The following HS6ST3 variants were observed in gnomAD, a reference collection of about 807,000 sequenced individuals.
The protein encoded by HS6ST3 is heparan-sulfate 6-O-sulfotransferase 3.
A neutral mutation model predicts 36.7 loss-of-function variants in HS6ST3; 12 were observed. The observed-to-expected ratio is 0.33, with a 90% CI of 0.21 to 0.53. The LOEUF is 0.53. HS6ST3 is among the 20% of genes least tolerant of loss of function. The pLI is 0.95. For synonymous variants in HS6ST3, 240 were observed against 257.5 expected (o/e 0.93, Z 0.65); for missense variants, 584 against 640.9 (o/e 0.91, Z 0.96).
chr13:96,112,842 TG>T (rs1594680516), intron 1 of HS6ST3, among the ~76,000 whole-genome samples: 1 of 151,674 alleles, frequency 6.6e-6, no homozygotes, highest in East Asian at 1.9e-4. Flanking sequence ...AGAGGACTGG[TG>T]GAGGGTATCT....
chr13:96,705,925 G>A (rs1875410940), intron 1 of HS6ST3, among the ~76,000 whole-genome samples: 1 of 152,126 alleles, frequency 6.6e-6, no homozygotes, highest in Non-Finnish European at 1.5e-5. Flanking sequence ...AGGTAACAGG[G>A]ACAAACAACT....
At chr13:96,328,552 GC>G (rs1263618126) in intron 1 of HS6ST3, among the ~76,000 whole-genome samples, 1 of 151,958 alleles carries the variant, frequency 6.6e-6, no homozygotes, top group East Asian at 1.9e-4. Context: ...TGGTGGATGA[GC>G]TTTTTGATGT....
chr13:96,370,097 AAAACAAAAACAAAAGAGAAT>A (rs2055282303), intron 1 of HS6ST3, among the ~76,000 whole-genome samples: 2 of 152,124 alleles, frequency 1.3e-5, no homozygotes, highest in Admixed American at 6.5e-5. Flanking sequence ...GGCAATGATA[AAAACAAAAACAAAAGAGAAT>A]AAACAAACCC....
At chr13:96,098,606 G>A (rs1053677626) in intron 1 of HS6ST3, among the ~76,000 whole-genome samples, 1 of 152,102 alleles carries the variant, frequency 6.6e-6, no homozygotes, top group Non-Finnish European at 1.5e-5. Flanking sequence ...TGGGTCTCTT[G>A]AGCCCAGGAG....
At chr13:96,715,036 T>C (rs1875658805) in intron 1 of HS6ST3, among the ~76,000 whole-genome samples, 1 of 152,114 alleles carries the variant, frequency 6.6e-6, no homozygotes. Flanking sequence ...TTTATAATAG[T>C]GAAGATTTGC....
chr13:96,607,349 G>C (rs2056442722), intron 1 of HS6ST3, among the ~76,000 whole-genome samples: 1 of 152,132 alleles, frequency 6.6e-6, no homozygotes, highest in African/African-American at 2.4e-5. Flanking sequence ...TTTATTTCCA[G>C]AAAATACAGC....
chr13:96,189,111 G>T (rs565550387), intron 1 of HS6ST3, among the ~76,000 whole-genome samples: 192 of 151,886 alleles, frequency 1.3e-3, no homozygotes, highest in Non-Finnish European at 2.5e-3. Context: ...TTCATGACTT[G>T]ATTAAATCTA....
At chr13:96,730,228 A>G (rs1187857947) in intron 1 of HS6ST3, among the ~76,000 whole-genome samples, 3 of 152,138 alleles carry the variant, frequency 2.0e-5, no homozygotes, top group South Asian at 2.1e-4. Flanking sequence ...ATTTATTCCC[A>G]TGGCTCCCTT....
chr13:96,332,380 C>G (rs1040418835), intron 1 of HS6ST3, among the ~76,000 whole-genome samples: 1 of 152,114 alleles, frequency 6.6e-6, no homozygotes, highest in South Asian at 2.1e-4. Context: ...TGCTTACTAA[C>G]GGTAACCTTT....
intron 1 of HS6ST3, among the ~76,000 whole-genome samples, chr13:96,459,629 A>G (rs1193072076): frequency 6.6e-6 from 1 of 152,158 alleles, no homozygotes; most frequent in Non-Finnish European, 1.5e-5. Context: ...ATTCATTTGG[A>G]TAAAAATGTG....
chr13:96,511,021 G>A (rs1369259166), intron 1 of HS6ST3, among the ~76,000 whole-genome samples: 1 of 152,138 alleles, frequency 6.6e-6, no homozygotes, highest in African/African-American at 2.4e-5. Flanking sequence ...TCCAAAATGG[G>A]ATGCTTTGGA....
intron 1 of HS6ST3, among the ~76,000 whole-genome samples, chr13:96,677,783 G>A (rs1252733949): frequency 6.6e-6 from 1 of 152,032 alleles, no homozygotes; most frequent in Non-Finnish European, 1.5e-5. Context: ...TCTAGAATTT[G>A]CATCATCCTA....
chr13:96,748,419 C>T (rs978583213), intron 1 of HS6ST3, among the ~76,000 whole-genome samples: 3 of 152,030 alleles, frequency 2.0e-5, no homozygotes, highest in African/African-American at 7.2e-5. Context: ...AGGAAGACCA[C>T]AAGCCAGGAG....
intron 1 of HS6ST3, among the ~76,000 whole-genome samples, chr13:96,212,911 AT>A: frequency 6.6e-6 from 1 of 152,190 alleles, no homozygotes; most frequent in Non-Finnish European, 1.5e-5. Flanking sequence ...TTGAAAATAT[AT>A]TTTCTCTCTC....
intron 1 of HS6ST3, among the ~76,000 whole-genome samples, chr13:96,095,566 G>A (rs918585887): frequency 6.6e-6 from 1 of 152,174 alleles, no homozygotes; most frequent in African/African-American, 2.4e-5. Flanking sequence ...GGGAGAGGTG[G>A]TTTCAGGAAT....
intron 1 of HS6ST3, among the ~76,000 whole-genome samples, chr13:96,699,574 G>A (rs543366918): frequency 6.6e-6 from 1 of 152,260 alleles, no homozygotes; most frequent in South Asian, 2.1e-4. Context: ...TTAGAAGGGC[G>A]ATCATTAAAA....
chr13:96,775,681 T>G (rs1257963881), intron 1 of HS6ST3, among the ~76,000 whole-genome samples: 1 of 151,986 alleles, frequency 6.6e-6, no homozygotes, highest in African/African-American at 2.4e-5. Context: ...GCACCCAGAT[T>G]AATAAAGCAA....
chr13:96,192,113 T>G (rs2054291091), intron 1 of HS6ST3, among the ~76,000 whole-genome samples: 1 of 152,126 alleles, frequency 6.6e-6, no homozygotes, highest in African/African-American at 2.4e-5. Flanking sequence ...CATTTACTAA[T>G]TATGGTCTTG....
At chr13:96,621,497 C>A (rs1323219806) in intron 1 of HS6ST3, among the ~76,000 whole-genome samples, 1 of 152,118 alleles carries the variant, frequency 6.6e-6, no homozygotes, top group Non-Finnish European at 1.5e-5. Context: ...AACTGTGAGT[C>A]AATTAAACCT....
Sources: gnomAD v4.1 joint callset for allele counts (sites outside exome capture counted in the v4.1 genomes callset) on GRCh38, gnomAD v4.1.1 for gene constraint, MANE v1.5 for transcripts, NCBI Gene and HGNC (gene_info 2026-07-23, HGNC 2026-07-21) for gene names.